Variants in CADM2 observed in about 807,000 individuals in gnomAD.
The protein encoded by CADM2 is immunoglobulin superfamily member 4D.
In CADM2, 12 loss-of-function variants were observed where a neutral mutation model predicts 49.8. The ratio of observed to expected loss-of-function variants is 0.24; its 90% CI spans 0.15 to 0.39. The LOEUF is 0.39. Ranked by LOEUF, CADM2 falls within the 10% of genes least tolerant of loss-of-function variation. The pLI is 1.00. For synonymous variants in CADM2, 214 were observed against 175.4 expected, an observed-to-expected ratio of 1.22 and a Z score of -1.74; for missense variants, 378 against 492.3, an observed-to-expected ratio of 0.77 and a Z score of 2.20.
At chr3:85,348,734 TGA>T (rs2031029447) in intron 1 of CADM2, among the ~76,000 whole-genome samples, 1 of 152,162 alleles carries the variant, frequency 6.6e-6, no homozygotes, top group Non-Finnish European at 1.5e-5. Context: ...TATTAAAATG[TGA>T]GAGTTTTACC....
intron 1 of CADM2, among the ~76,000 whole-genome samples, chr3:85,111,414 C>T (rs1313343257): frequency 6.6e-6 from 1 of 151,738 alleles, no homozygotes; most frequent in Non-Finnish European, 1.5e-5. Context: ...TATGAGGCTG[C>T]CTATTATCTA....
chr3:85,472,355 G>C (rs1407173266), intron 1 of CADM2, among the ~76,000 whole-genome samples: 2 of 151,616 alleles, frequency 1.3e-5, no homozygotes, highest in African/African-American at 2.4e-5. Context: ...CTTTCCTTGA[G>C]GGAAAAGTAT....
At chr3:85,311,364 TTTA>T (rs199621915) in intron 1 of CADM2, among the ~76,000 whole-genome samples, 33 of 148,154 alleles carry the variant, frequency 2.2e-4, no homozygotes, top group African/African-American at 4.7e-4. Flanking sequence ...TTTATTTATA[TTTA>T]TTATTATTAT....
chr3:84,985,611 C>G (rs535388930), intron 1 of CADM2, among the ~76,000 whole-genome samples: 5 of 152,206 alleles, frequency 3.3e-5, no homozygotes, highest in African/African-American at 1.2e-4. Context: ...GTCTTTGATG[C>G]TAAATGATTA....
chr3:85,116,307 C>T (rs9846593), intron 1 of CADM2, among the ~76,000 whole-genome samples: 15,834 of 152,210 alleles, frequency 0.1, 2,630 homozygotes, highest in African/African-American at 0.36. Flanking sequence ...GCCTGGGCAA[C>T]GAAGTGATCT....
At chr3:85,185,699 C>T (rs2041044691) in intron 1 of CADM2, among the ~76,000 whole-genome samples, 1 of 152,052 alleles carries the variant, frequency 6.6e-6, no homozygotes, top group South Asian at 2.1e-4. Flanking sequence ...CATGAATTTC[C>T]TCTACAATGG....
At chr3:85,693,140 T>G in intron 1 of CADM2, among the ~76,000 whole-genome samples, 1 of 151,758 alleles carries the variant, frequency 6.6e-6, no homozygotes, top group Non-Finnish European at 1.5e-5. Context: ...TCCCAGCTAC[T>G]CAGGAGGCTG....
intron 1 of CADM2, among the ~76,000 whole-genome samples, chr3:84,984,342 C>T (rs1223030720): frequency 1.6e-5 from 2 of 121,504 alleles, no homozygotes; most frequent in African/African-American, 7.2e-5. Context: ...CTCATAGCCA[C>T]CTCAAGATTA....
chr3:85,016,708 G>T (rs961309837), intron 1 of CADM2, among the ~76,000 whole-genome samples: 3 of 151,866 alleles, frequency 2.0e-5, no homozygotes, highest in Admixed American at 6.6e-5. Context: ...CAGGAGAATC[G>T]CTTGAACCTG....
intron 2 of CADM2, among the ~76,000 whole-genome samples, chr3:85,735,733 A>ATGTTTTGTT (rs2068107274): frequency 6.6e-6 from 1 of 151,930 alleles, no homozygotes; most frequent in Non-Finnish European, 1.5e-5. Flanking sequence ...TGGAGTGTAG[A>ATGTTTTGTT]TGTTTTGTTT....
intron 1 of CADM2, among the ~76,000 whole-genome samples, chr3:85,291,628 A>G (rs984341803): frequency 1.3e-4 from 19 of 147,394 alleles, no homozygotes; most frequent in South Asian, 6.3e-4. Flanking sequence ...AGTGGGGGCC[A>G]ATATTCAACA....
chr3:85,740,747 A>G (rs1300909351), intron 2 of CADM2, among the ~76,000 whole-genome samples: 1 of 152,190 alleles, frequency 6.6e-6, no homozygotes, highest in African/African-American at 2.4e-5. Flanking sequence ...CTTTTTCTGC[A>G]CAAGGAATCT....
Position 85,813,431 on chromosome 3 carries a change from T to C in CADM2, c.238+11235T>C, listed in dbSNP as rs180742769. ...TCTTATAAATTTGTTTAAGTTTTTTTAGATTCTGGATATTAGCCCTTTGTC... is the reference window on the plus strand; with the variant it reads ...TCTTATAAATTTGTTTAAGTTTTTTCAGATTCTGGATATTAGCCCTTTGTC... On this transcript the variant is annotated intron_variant, in intron 3 of 9. Transcript: ENST00000383699. Among the ~76,000 whole-genome samples, 214 of 152,308 alleles carry C rather than the reference T, an allele frequency of 1.4e-3. 1 individual carries two copies. The highest frequency in any genetic ancestry group is 2.4e-3 in the Non-Finnish European group (165 of 68,026).
At chr3:85,023,417 A>G (rs894030654) in intron 1 of CADM2, among the ~76,000 whole-genome samples, 1 of 152,056 alleles carries the variant, frequency 6.6e-6, no homozygotes, top group Non-Finnish European at 1.5e-5. Flanking sequence ...TTCTTCCTGA[A>G]ACAGGGCTAT....
chr3:85,537,273 A>G (rs2061441121), intron 1 of CADM2, among the ~76,000 whole-genome samples: 1 of 152,134 alleles, frequency 6.6e-6, no homozygotes, highest in Admixed American at 6.6e-5. Context: ...ACATTTTTTA[A>G]GTATCAAAAT....
chr3:85,826,741 GT>G (rs1344022830), intron 3 of CADM2, among the ~76,000 whole-genome samples: 16 of 151,962 alleles, frequency 1.1e-4, no homozygotes, highest in African/African-American at 3.6e-4. Context: ...GATATTCTCA[GT>G]GTGTGCTCCC....
chr3:85,253,554 T>C (rs2042820869), intron 1 of CADM2, among the ~76,000 whole-genome samples: 1 of 152,110 alleles, frequency 6.6e-6, no homozygotes, highest in Non-Finnish European at 1.5e-5. Context: ...CACAAGATGA[T>C]CTCTGCCTAT....
chr3:85,028,748 T>C (rs1362157740), intron 1 of CADM2, among the ~76,000 whole-genome samples: 1 of 152,044 alleles, frequency 6.6e-6, no homozygotes, highest in Admixed American at 6.5e-5. Flanking sequence ...CAGGTCTCAA[T>C]TTTTCTAGTA....
chr3:85,856,662 T>C (rs1402187111), intron 3 of CADM2, among the ~76,000 whole-genome samples: 1 of 152,176 alleles, frequency 6.6e-6, no homozygotes, highest in Non-Finnish European at 1.5e-5. Context: ...ATGATCTAAT[T>C]TAGAGTTTGA....
Sources: allele counts gnomAD v4.1 joint callset (sites outside exome capture counted in the v4.1 genomes callset), GRCh38; gene constraint gnomAD v4.1.1; transcripts MANE v1.5; gene names NCBI Gene and HGNC (gene_info 2026-07-23, HGNC 2026-07-21).